The following KAZN variants were observed in gnomAD, a reference collection of about 807,000 sequenced individuals.
The protein encoded by KAZN is kazrin, periplakin interacting protein, also known as kazrin.
A neutral mutation model predicts 87.4 loss-of-function variants in KAZN; 40 were observed. The observed-to-expected ratio is 0.46, with a 90% CI of 0.36 to 0.60. The LOEUF is 0.60. Among genes scored for constraint, KAZN ranks in the 20% least tolerant of loss-of-function variants. The pLI, the probability that KAZN is intolerant of heterozygous loss-of-function variation, is 0.00. For synonymous variants in KAZN, 466 were observed against 458.3 expected (o/e 1.02, Z -0.22); for missense variants, 898 against 1,073.9 (o/e 0.84, Z 2.29).
chr1:14,146,833 T>G (rs1382479126), intron 1 of KAZN, among the ~76,000 whole-genome samples: 5 of 152,164 alleles, frequency 3.3e-5, no homozygotes, highest in African/African-American at 1.2e-4. Context: ...TCATCTTCAA[T>G]TTCAGAAGAG....
At chr1:14,428,647 C>T (rs940246303) in intron 2 of KAZN, among the ~76,000 whole-genome samples, 10 of 152,080 alleles carry the variant, frequency 6.6e-5, no homozygotes, top group African/African-American at 2.2e-4. Flanking sequence ...GCTTGGGAAG[C>T]CTCAGGAAAT....
intron 1 of KAZN, among the ~76,000 whole-genome samples, chr1:14,862,015 T>C (rs1379859523): frequency 1.3e-5 from 2 of 152,212 alleles, no homozygotes. Context: ...GAGCCCATAA[T>C]TTTATTTAAA....
intron 1 of KAZN, among the ~76,000 whole-genome samples, chr1:14,810,711 T>C (rs968410711): frequency 4.6e-5 from 7 of 152,188 alleles, no homozygotes; most frequent in African/African-American, 9.6e-5. Context: ...GTGTGGCTTG[T>C]TGGGGACACC....
chr1:14,623,041 C>T (rs767115391), intron 1 of KAZN, among the ~76,000 whole-genome samples: 5 of 152,192 alleles, frequency 3.3e-5, no homozygotes, highest in Non-Finnish European at 7.4e-5. Context: ...ATGTGAAAAG[C>T]GGTTTGACAA....
chr1:14,274,998 A>G (rs1341624883), intron 2 of KAZN, among the ~76,000 whole-genome samples: 1 of 152,132 alleles, frequency 6.6e-6, no homozygotes, highest in African/African-American at 2.4e-5. Context: ...GTTTTAGTAA[A>G]TTTTAAAATT....
In KAZN at chr1:14,996,773, G is replaced by A. The variant is rs1329826169; in HGVS notation, c.418+35898G>A. Among the ~76,000 whole-genome samples, 1 of 152,196 alleles carries A rather than the reference G, an allele frequency of 6.6e-6. No individual in the cohort carries two copies. Among genetic ancestry groups the A allele is most frequent in the Non-Finnish European group, 1.5e-5 (1 of 68,026 alleles). On this transcript the variant is annotated intron_variant, in intron 2 of 14. Transcript: ENST00000376030. The surrounding 1 kb of genome is among the most constrained non-coding windows in gnomAD (Gnocchi z 5.9). ...TGATGCTCCCAAAGGCAGGCCACTT[G>A]CAGGAAGACACACCACGGAGCCTCC...
At chr1:14,370,190 G>A (rs775898197) in intron 2 of KAZN, among the ~76,000 whole-genome samples, 1 of 152,216 alleles carries the variant, frequency 6.6e-6, no homozygotes, top group African/African-American at 2.4e-5. Flanking sequence ...GCTTGAGGGA[G>A]AGCAGGGTTG....
chr1:14,177,794 GTT>G (rs34230840), intron 1 of KAZN, among the ~76,000 whole-genome samples: 282 of 140,060 alleles, frequency 2.0e-3, no homozygotes, highest in Non-Finnish European at 2.9e-3. Flanking sequence ...GTGTGTGTGT[GTT>G]TTTTTTTTTT....
chr1:15,109,633 G>A (rs954922983), intron 13 of KAZN, among the ~76,000 whole-genome samples: 10 of 132,860 alleles, frequency 7.5e-5, no homozygotes, highest in Non-Finnish European at 1.6e-4. Flanking sequence ...GTGTATATAT[G>A]TGTATGTGTG....
intron 1 of KAZN, among the ~76,000 whole-genome samples, chr1:14,891,271 A>G (rs1402652107): frequency 6.6e-6 from 1 of 152,128 alleles, no homozygotes; most frequent in Non-Finnish European, 1.5e-5. Context: ...ATAGCAGTAT[A>G]CGCTGAACCC....
intron 1 of KAZN, among the ~76,000 whole-genome samples, chr1:14,764,495 C>T (rs759245241): frequency 6.6e-6 from 1 of 151,038 alleles, no homozygotes; most frequent in Non-Finnish European, 1.5e-5. Context: ...TCCGCCGCCC[C>T]TCTGCCCCCC....
At chr1:14,586,047 G>T (rs1675831653) in intron 2 of KAZN, among the ~76,000 whole-genome samples, 1 of 152,188 alleles carries the variant, frequency 6.6e-6, no homozygotes, top group South Asian at 2.1e-4. Context: ...GAAGGGAGAG[G>T]GGGAGATGCT....
chr1:14,944,894 C>T (rs1661556519), intron 1 of KAZN, among the ~76,000 whole-genome samples: 1 of 152,226 alleles, frequency 6.6e-6, no homozygotes, highest in Admixed American at 6.5e-5. Context: ...CAGGAGGCCT[C>T]TTGCCCGCCT....
intron 2 of KAZN, among the ~76,000 whole-genome samples, chr1:14,430,584 T>G (rs1279778105): frequency 6.6e-6 from 1 of 152,136 alleles, no homozygotes; most frequent in Admixed American, 6.5e-5. Context: ...AGCATCACAA[T>G]AATGAATAAG....
chr1:14,024,413 A>G (rs567101282), intron 1 of KAZN, among the ~76,000 whole-genome samples: 2 of 152,384 alleles, frequency 1.3e-5, no homozygotes, highest in South Asian at 2.1e-4. Flanking sequence ...GAACTAAAAG[A>G]AAACAGAAAA....
At chr1:14,640,561 CTTAG>C (rs1267911692) in intron 1 of KAZN, among the ~76,000 whole-genome samples, 2 of 152,152 alleles carry the variant, frequency 1.3e-5, no homozygotes, top group Non-Finnish European at 2.9e-5. Flanking sequence ...AACTTCCTGT[CTTAG>C]TTCTTTCCAG....
At chr1:14,790,249 T>G (rs901597656) in intron 1 of KAZN, among the ~76,000 whole-genome samples, 1 of 152,010 alleles carries the variant, frequency 6.6e-6, no homozygotes, top group Non-Finnish European at 1.5e-5. Context: ...CGACCTTAAG[T>G]GATGCGCTCA....
intron 1 of KAZN, among the ~76,000 whole-genome samples, chr1:14,126,354 C>T (rs1644866461): frequency 2.5e-5 from 1 of 40,092 alleles, no homozygotes; most frequent in Admixed American, 3.5e-4. Flanking sequence ...GCTCTCCCCT[C>T]CCCCCCCCCG....
intron 2 of KAZN, among the ~76,000 whole-genome samples, chr1:14,446,383 A>G (rs1434206214): frequency 6.6e-6 from 1 of 152,196 alleles, no homozygotes; most frequent in Non-Finnish European, 1.5e-5. Context: ...TTCTGTTGCC[A>G]AAGACTACAG....
Sources: allele counts gnomAD v4.1 joint callset (sites outside exome capture counted in the v4.1 genomes callset), GRCh38; gene constraint gnomAD v4.1.1; non-coding constraint Gnocchi (gnomAD v3.1); transcripts MANE v1.5; gene names NCBI Gene and HGNC (gene_info 2026-07-23, HGNC 2026-07-21).